PLCG2: variants seen among roughly 807,000 people sequenced by gnomAD.
The protein encoded by PLCG2 is 1-phosphatidylinositol 4,5-bisphosphate phosphodiesterase gamma-2.
PLCG2 carries 69 observed loss-of-function variants against 175.6 expected under a neutral mutation model. The ratio of observed to expected loss-of-function variants is 0.39; its 90% CI spans 0.32 to 0.48. The LOEUF (loss-of-function observed/expected upper bound fraction) is 0.48, where lower values mean the gene tolerates loss of function less well. Ranked by LOEUF, PLCG2 falls within the 20% of genes least tolerant of loss-of-function variation. PLCG2 has a pLI of 0.91. For synonymous variants in PLCG2, 827 were observed against 624.0 expected, an observed-to-expected ratio of 1.33 and a Z score of -4.85; for missense variants, 1,798 against 1,650.9, an observed-to-expected ratio of 1.09 and a Z score of -1.54.
chr16:81,869,196 G>C lies in PLCG2; in HGVS notation c.480-18G>C, dbSNP rs769635408. The C allele has an allele frequency of 1.2e-6, 2 of 1,605,742 alleles. No homozygotes were observed. The highest frequency in any genetic ancestry group is 1.7e-6 in the Non-Finnish European group (2 of 1,172,392). On this transcript the variant is annotated intron_variant, in intron 5 of 32. Coordinates refer to ENST00000564138, the MANE Select transcript of PLCG2 (RefSeq NM_002661.5). ...GAAAACCCTCAAGGTGACAGAACTG[G>C]GTCTCCCTCTTTTGCAGCATCAGTC...
chr16:81,925,569 C>T (rs559085282), intron 22 of PLCG2, among the ~76,000 whole-genome samples: 1 of 152,190 alleles, frequency 6.6e-6, no homozygotes, highest in African/African-American at 2.4e-5. Context: ...CTTCCCACCA[C>T]CACGGAGCAC....
rs759271882 is a variant in PLCG2 at position 81,928,538 on chromosome 16, T to C, written c.2515-20T>C. The C allele has an allele frequency of 6.5e-7, 1 of 1,531,682 alleles. No homozygotes were observed. Among genetic ancestry groups the C allele is most frequent in the South Asian group, 1.1e-5 (1 of 89,338 alleles). The allele number at this position is 1,531,682 out of a possible 1,614,324, so 94.9% of individuals were successfully genotyped here. A position where few individuals can be genotyped will look rare whatever the true frequency, so the allele number is the denominator to read the frequency against. On this transcript the variant is annotated intron_variant, in intron 23 of 32. Transcript: ENST00000564138. ...TATTCCCGTTACAACTAACGTGAGT[T>C]ATGTCTTGTTTCTTCACAGATTATT...
At position 81,931,569 on chromosome 16, in the gene PLCG2, C is replaced by T. The variant is rs199703276; in HGVS notation, c.2654C>T (p.Pro885Leu). The change falls in exon 25 of 33, where the codon CCG becomes CTG. Residue 885 changes from proline (P) to leucine (L), a missense_variant. Coordinates refer to ENST00000564138, the MANE Select transcript of PLCG2 (RefSeq NM_002661.5). ...GAGCCCAAGCAGCAGGGCGATCCTC[C>T]GGTGGAGTTTGCCACAGACAGGGTG... is the stretch of plus-strand genomic sequence containing the variant. ...ILEPKQQGDP[P>L]VEFATDRVEE... The T allele has an allele frequency of 2.5e-5, 41 of 1,614,092 alleles. 1 individual carries two copies. Among genetic ancestry groups the T allele is most frequent in the South Asian group, 8.8e-5 (8 of 91,074 alleles).
chr16:81,832,802 G>T (rs908986955), intron 2 of PLCG2, among the ~76,000 whole-genome samples: 1 of 152,246 alleles, frequency 6.6e-6, no homozygotes, highest in Non-Finnish European at 1.5e-5. Flanking sequence ...GAATGAGGCA[G>T]AGGCCTGCCA....
rs111257358 is a variant in PLCG2 at position 81,757,222 on chromosome 16, A to G, written c.-48+1256A>G. ...GATCATTCAATCATCTCTTTATCCA[A>G]TCATTCATCCATTCATCCATCCACC... is the stretch of plus-strand genomic sequence containing the variant. On this transcript the variant is annotated intron_variant, in intron 2 of 5. Transcript: ENST00000565054. Among the ~76,000 whole-genome samples, 604 of 152,156 alleles carry G rather than the reference A, an allele frequency of 4.0e-3. 3 individuals are homozygous for G. The highest frequency in any genetic ancestry group is 0.014 in the African/African-American group (563 of 41,516).
At chr16:81,938,609 A>C in intron 28 of PLCG2, 192 bp from the exon 29 acceptor site, 1 of 580,070 alleles carries the variant, frequency 1.7e-6, no homozygotes, top group Middle Eastern at 4.6e-4. Flanking sequence ...GCTGATGCTG[A>C]GGAACTGTGG....
intron 8 of PLCG2, 123 bp downstream of exon 8, chr16:81,881,076 C>A: frequency 2.1e-6 from 2 of 943,704 alleles, no homozygotes; most frequent in Non-Finnish European, 3.4e-6. Flanking sequence ...GGCAGGGGGC[C>A]CCTGCTGGGG....
At chr16:81,809,749 C>T (rs1044581842) in intron 2 of PLCG2, among the ~76,000 whole-genome samples, 1 of 147,364 alleles carries the variant, frequency 6.8e-6, no homozygotes, top group Non-Finnish European at 1.5e-5. Context: ...CTAGCCTTGT[C>T]ACTTCTGTCC....
At chr16:81,821,868 G>A (rs539556462) in intron 2 of PLCG2, among the ~76,000 whole-genome samples, 1 of 149,276 alleles carries the variant, frequency 6.7e-6, no homozygotes, top group African/African-American at 2.5e-5. Flanking sequence ...ACAGATCCAA[G>A]ATGTTTTTTT....
At chr16:81,815,716 C>G (rs774786267) in intron 2 of PLCG2, among the ~76,000 whole-genome samples, 1 of 152,090 alleles carries the variant, frequency 6.6e-6, no homozygotes, top group Non-Finnish European at 1.5e-5. Flanking sequence ...CTTCGATTCT[C>G]GCGGTCTTCT....
intron 2 of PLCG2, among the ~76,000 whole-genome samples, chr16:81,768,652 G>A (rs375126145): frequency 7.2e-6 from 1 of 138,022 alleles, no homozygotes; most frequent in African/African-American, 2.7e-5. Context: ...TGCAACCTCC[G>A]CCTCCCGGGT....
chr16:81,804,514 T>C (rs1004362328), intron 2 of PLCG2, among the ~76,000 whole-genome samples: 2 of 152,208 alleles, frequency 1.3e-5, no homozygotes, highest in Non-Finnish European at 2.9e-5. Flanking sequence ...GCTTCTTGGC[T>C]TGAGTCAAGA....
At chr16:81,836,745 C>G (rs1005908735) in intron 2 of PLCG2, among the ~76,000 whole-genome samples, 1 of 152,164 alleles carries the variant, frequency 6.6e-6, no homozygotes, top group Admixed American at 6.5e-5. Context: ...GTCTCAAAAA[C>G]GAGTGCAAAC....
At chr16:81,893,155 G>A (rs913905893) in intron 11 of PLCG2, among the ~76,000 whole-genome samples, 1 of 152,110 alleles carries the variant, frequency 6.6e-6, no homozygotes, top group Non-Finnish European at 1.5e-5. Context: ...CATCGTGCTT[G>A]GCCTCGGAAC....
At chr16:81,847,347 G>C (rs561459837) in intron 2 of PLCG2, among the ~76,000 whole-genome samples, 1 of 152,146 alleles carries the variant, frequency 6.6e-6, no homozygotes, top group South Asian at 2.1e-4. Flanking sequence ...TTTTATGAGA[G>C]CCTAATTACA....
intron 1 of PLCG2, among the ~76,000 whole-genome samples, chr16:81,741,889 A>G (rs1472127706): frequency 6.6e-6 from 1 of 152,190 alleles, no homozygotes; most frequent in Non-Finnish European, 1.5e-5. Context: ...TGTTGTGAAC[A>G]TTGAAAATCT....
chr16:81,833,499 G>GT (rs1235833354), intron 2 of PLCG2, among the ~76,000 whole-genome samples: 2,287 of 128,848 alleles, frequency 0.018, 52 homozygotes, highest in African/African-American at 0.057. Flanking sequence ...ACTCCTGCCT[G>GT]TTTTTTTTTT....
chr16:81,791,849 A>C (rs899425905), intron 2 of PLCG2, among the ~76,000 whole-genome samples: 2 of 152,194 alleles, frequency 1.3e-5, no homozygotes, highest in East Asian at 3.9e-4. Flanking sequence ...ACAGGCATGA[A>C]CCACTGCACC....
chr16:81,910,368 G>A, intron 17 of PLCG2, 152 bp from the exon 18 acceptor site: 1 of 686,756 alleles, frequency 1.5e-6, no homozygotes, highest in East Asian at 2.7e-5. Flanking sequence ...TGGGATTACA[G>A]GCATGAGCCA....
Sources: allele counts gnomAD v4.1 joint callset (sites outside exome capture counted in the v4.1 genomes callset), GRCh38; gene constraint gnomAD v4.1.1; transcripts MANE v1.5; gene names NCBI Gene and HGNC (gene_info 2026-07-23, HGNC 2026-07-21).